VPS13D: variants seen among roughly 807,000 people sequenced by gnomAD.
The protein encoded by VPS13D is intermembrane lipid transfer protein VPS13D.
A neutral mutation model predicts 461.9 loss-of-function variants in VPS13D; 187 were observed. That is an observed-to-expected ratio of 0.40 (90% CI 0.36 to 0.46). The LOEUF (loss-of-function observed/expected upper bound fraction) is 0.46. VPS13D is among the 20% of genes least tolerant of loss of function. The pLI is 0.60. For missense variants in VPS13D, 4,711 were observed against 5,364.9 expected (o/e 0.88, Z 3.81); for synonymous variants, 1,951 against 1,986.3 (o/e 0.98, Z 0.47).
intron 2 of VPS13D, among the ~76,000 whole-genome samples, chr1:12,240,595 C>CAAA (rs781165302): frequency 9.8e-4 from 42 of 42,936 alleles, no homozygotes; most frequent in African/African-American, 2.0e-3. Flanking sequence ...GATTCCATCT[C>CAAA]AAAAAAAAAA....
intron 24 of VPS13D, among the ~76,000 whole-genome samples, chr1:12,298,059 T>C (rs961676348): frequency 1.2e-4 from 18 of 152,114 alleles, no homozygotes; most frequent in Non-Finnish European, 2.1e-4. Flanking sequence ...TGAAAAGATA[T>C]GGTGTTGATG....
chr1:12,477,294 A>G (rs544754067), intron 67 of VPS13D, among the ~76,000 whole-genome samples: 3 of 151,744 alleles, frequency 2.0e-5, no homozygotes, highest in African/African-American at 4.8e-5. Context: ...TTCTTTCTCT[A>G]TTTTGCTTGG....
At chr1:12,317,383 C>T (rs780978553) in intron 30 of VPS13D, among the ~76,000 whole-genome samples, 3 of 152,006 alleles carry the variant, frequency 2.0e-5, no homozygotes, top group Non-Finnish European at 4.4e-5. Context: ...TTTAAGTCTG[C>T]GTCTCTGACT....
chr1:12,287,614 A>G (rs551302120), intron 21 of VPS13D, among the ~76,000 whole-genome samples: 1 of 152,350 alleles, frequency 6.6e-6, no homozygotes, highest in South Asian at 2.1e-4. Flanking sequence ...AACAAATCCT[A>G]GACATATAAG....
chr1:12,363,321 G>A, intron 52 of VPS13D, 74 bp downstream of exon 52: 5 of 1,475,584 alleles, frequency 3.4e-6, no homozygotes, highest in Non-Finnish European at 4.6e-6. Context: ...AACAAGCCTT[G>A]TGTAAAATGG....
At chr1:12,235,393 A>G (rs894381775) in intron 2 of VPS13D, among the ~76,000 whole-genome samples, 9 of 152,138 alleles carry the variant, frequency 5.9e-5, no homozygotes, top group Non-Finnish European at 1.2e-4. Flanking sequence ...CCTGGCCAAC[A>G]TGGTGAAACC....
intron 67 of VPS13D, among the ~76,000 whole-genome samples, chr1:12,475,558 T>C (rs1205778006): frequency 6.6e-6 from 1 of 152,248 alleles, no homozygotes; most frequent in Admixed American, 6.5e-5. Flanking sequence ...AAGTATTCTT[T>C]GGCAGGTTGT....
rs1318993065 is a variant in VPS13D, at chr1:12,345,366, C to T, written c.8886-8C>T. On this transcript the variant is annotated splice_polypyrimidine_tract_variant and splice_region_variant and intron_variant, in intron 42 of 69. Coordinates refer to ENST00000620676, the MANE Select transcript of VPS13D (RefSeq NM_015378.4). ...GCCTAATATCTTTTTCTTTGTTCTG[C>T]CTGACAGACACACCCATGACCTCCG... 6.2e-7 allele frequency: 1 copy of T among 1,604,676 alleles called. No homozygotes were observed. The highest frequency in any genetic ancestry group is 1.1e-5 in the South Asian group (1 of 90,460).
intron 68 of VPS13D, 55 bp from the exon 69 acceptor site, chr1:12,506,798 C>G (rs989311474): frequency 1.3e-6 from 2 of 1,586,932 alleles, no homozygotes; most frequent in Non-Finnish European, 1.7e-6. Flanking sequence ...GGGCCTCCCC[C>G]TGATGCTGGG....
chr1:12,262,723 A>G (rs1310945893), intron 13 of VPS13D, among the ~76,000 whole-genome samples: 1 of 146,826 alleles, frequency 6.8e-6, no homozygotes, highest in Non-Finnish European at 1.5e-5. Context: ...TTTTTTTTTG[A>G]GACAGAGTCT....
At chr1:12,454,878 ATCCTT>A (rs769838841) in intron 65 of VPS13D, among the ~76,000 whole-genome samples, 1,697 of 152,340 alleles carry the variant, frequency 0.011, 7 homozygotes, top group Non-Finnish European at 0.019. Flanking sequence ...GTTTTGGTAG[ATCCTT>A]CCTGAGAAGG....
At chr1:12,459,417 A>G (rs1033192354) in intron 66 of VPS13D, among the ~76,000 whole-genome samples, 5 of 151,942 alleles carry the variant, frequency 3.3e-5, no homozygotes, top group East Asian at 1.9e-4. Context: ...TCAATCCCAC[A>G]TGGATACTAA....
Position 12,348,989 on chromosome 1 carries a change from CT to C in VPS13D, c.9220+17del. On this transcript the variant is annotated intron_variant, in intron 45 of 69. Transcript: ENST00000620676. ...GCTCCAGACAGTATGTTTTGATTGT[CT>C]AGCATATAGTAAATGCTGATAAATA... 1.2e-6 allele frequency: 2 copies of C among 1,614,148 alleles called. No individual in the cohort carries two copies. The highest frequency in any genetic ancestry group is 1.7e-6 in the Non-Finnish European group (2 of 1,180,012).
In VPS13D at chr1:12,509,884, T is replaced by C. The variant is rs147699554; in HGVS notation, c.*860T>C. ...GGTTGGAAACATTGGTAAACTCTGT[T>C]GATTGAGAAGGAAAAAAAAAGTCCC... On this transcript the variant is annotated 3_prime_UTR_variant, in exon 70 of 70. Coordinates refer to ENST00000620676, the MANE Select transcript of VPS13D (RefSeq NM_015378.4). The C allele has an allele frequency of 2.6e-5, 4 of 152,310 alleles. 1 individual carries two copies. In the East Asian group the frequency reaches 7.7e-4, roughly 29 times the overall value. The allele number at this position is 152,310 out of a possible 1,614,324, so 9.4% of individuals were successfully genotyped here. A position where few individuals can be genotyped will look rare whatever the true frequency, so the allele number is the denominator to read the frequency against.
intron 67 of VPS13D, among the ~76,000 whole-genome samples, chr1:12,477,073 A>C (rs1645641907): frequency 6.6e-6 from 1 of 152,228 alleles, no homozygotes; most frequent in Non-Finnish European, 1.5e-5. Flanking sequence ...GCCAGTGGGC[A>C]TGTAGTTGCT....
In VPS13D at chr1:12,508,976, T is replaced by C. The variant is rs1458379726; in HGVS notation, c.13119T>C (p.Leu4373=). 2.5e-6 allele frequency: 4 copies of C among 1,614,036 alleles called. No homozygotes were observed. The highest frequency in any genetic ancestry group is 2.5e-6 in the Non-Finnish European group (3 of 1,180,038). The part of the protein sequence containing the change: ...YAKSLYYEQQ[L]MLRLSENREQ... ...AGAGCCTCTACTATGAACAGCAGCT[T>C]ATGTTAAGACTCAGCGAAAACCGAG... is the stretch of plus-strand genomic sequence containing the variant. The change falls in exon 70 of 70, where the codon CTT becomes CTC. Residue 4373 remains leucine, a synonymous_variant. Coordinates refer to ENST00000620676, the MANE Select transcript of VPS13D (RefSeq NM_015378.4).
At chr1:12,251,750 C>G (rs1386230720) in intron 6 of VPS13D, among the ~76,000 whole-genome samples, 2 of 152,180 alleles carry the variant, frequency 1.3e-5, no homozygotes, top group Admixed American at 6.5e-5. Flanking sequence ...CTGCCTGCAT[C>G]AAAACGTTCA....
chr1:12,343,085 A>AT (rs1557721368), intron 42 of VPS13D, 34 bp downstream of exon 42: 1 of 1,561,486 alleles, frequency 6.4e-7, no homozygotes, highest in Admixed American at 1.7e-5. Flanking sequence ...TTTAAAAAAA[A>AT]GAAAGTGGAT....
intron 13 of VPS13D, among the ~76,000 whole-genome samples, chr1:12,266,038 C>A (rs999685655): frequency 1.8e-4 from 28 of 152,214 alleles, no homozygotes; most frequent in African/African-American, 6.5e-4. Context: ...TGACATGCTC[C>A]TGTAGTCCTA....
Sources: gnomAD v4.1 joint callset for allele counts (sites outside exome capture counted in the v4.1 genomes callset) on GRCh38, gnomAD v4.1.1 for gene constraint, MANE v1.5 for transcripts, NCBI Gene and HGNC (gene_info 2026-07-23, HGNC 2026-07-21) for gene names.